Variants in COL4A1 observed in about 807,000 individuals in gnomAD.
The protein encoded by COL4A1 is collagen alpha-1(IV) chain.
A neutral mutation model predicts 216.6 loss-of-function variants in COL4A1; 40 were observed. The ratio of observed to expected loss-of-function variants is 0.18; its 90% CI spans 0.14 to 0.24. COL4A1 has a LOEUF of 0.24. Among genes scored for constraint, COL4A1 ranks in the 10% least tolerant of loss-of-function variants. The probability of loss-of-function intolerance (pLI) is 1.00; values close to 1 mark genes in which losing one functional copy is unlikely to be tolerated. For missense variants in COL4A1, 1,628 were observed against 2,196.8 expected (o/e 0.74, Z 5.18); for synonymous variants, 839 against 810.7 (o/e 1.03, Z -0.59).
chr13:110,153,282 G>A (rs561156443), intron 50 of COL4A1, among the ~76,000 whole-genome samples: 2 of 152,334 alleles, frequency 1.3e-5, no homozygotes, highest in South Asian at 2.1e-4. Context: ...GCTTCAAGGC[G>A]GAGCAGAGGC....
intron 2 of COL4A1, among the ~76,000 whole-genome samples, chr13:110,225,733 A>G (rs1001517586): frequency 1.3e-5 from 2 of 152,228 alleles, no homozygotes; most frequent in Non-Finnish European, 2.9e-5. Context: ...ACTCCGGGTG[A>G]GCACGCGGAG....
At position 110,170,608 on chromosome 13, in the gene COL4A1, T is replaced by C. The variant is rs1180718474; in HGVS notation, c.3681A>G (p.Pro1227=). Residue 1227 remains proline (P), a synonymous_variant, in exon 42 of 52, where the codon CCA becomes CCG. Transcript: ENST00000375820. ...PQGQPGLPGS[P]GHATEGPKGD... ...CTTTGGGCCCCTCCGTGGCATGGCC[T>C]GGGGATCCCGGTAACCCCGGCTGTC... The C allele has an allele frequency of 6.2e-7, 1 of 1,611,950 alleles. No homozygotes were observed. Among genetic ancestry groups the C allele is most frequent in the Admixed American group, 1.7e-5 (1 of 59,758 alleles).
At chr13:110,291,056 C>T (rs970804160) in intron 1 of COL4A1, among the ~76,000 whole-genome samples, 7 of 152,210 alleles carry the variant, frequency 4.6e-5, no homozygotes, top group Admixed American at 2.0e-4. Context: ...CGTGCACAGA[C>T]GTGAGTGTCC....
At chr13:110,215,182 T>C (rs575434097) in intron 2 of COL4A1, among the ~76,000 whole-genome samples, 2 of 152,268 alleles carry the variant, frequency 1.3e-5, no homozygotes, top group Admixed American at 1.3e-4. Context: ...GAGTCCACAG[T>C]GTGCACCTCA....
chr13:110,248,506 C>T lies in COL4A1; in HGVS notation c.85-5772G>A, dbSNP rs955926885. ...GACAAAACCCCATTGACCTTCATCA[C>T]GTCCTGCTGGGGTCTCGCTCTGTGG... On this transcript the variant is annotated intron_variant, in intron 1 of 51. Transcript: ENST00000375820. Among the ~76,000 whole-genome samples, 7 of 152,000 alleles carry T rather than the reference C, an allele frequency of 4.6e-5. 1 individual carries two copies. The highest frequency in any genetic ancestry group is 8.8e-5 in the Non-Finnish European group (6 of 67,888).
At chr13:110,290,076 T>C (rs916445833) in intron 1 of COL4A1, among the ~76,000 whole-genome samples, 4 of 152,198 alleles carry the variant, frequency 2.6e-5, no homozygotes, top group Non-Finnish European at 5.9e-5. Flanking sequence ...CTTCCAAAGG[T>C]GACTCGGTGC....
chr13:110,292,645 G>T (rs1884132184), intron 1 of COL4A1, among the ~76,000 whole-genome samples: 1 of 152,182 alleles, frequency 6.6e-6, no homozygotes, highest in African/African-American at 2.4e-5. Context: ...AGAGAGCGAA[G>T]GAGAAAGCAC....
chr13:110,273,046 T>C (rs544322772), intron 1 of COL4A1, among the ~76,000 whole-genome samples: 1 of 152,330 alleles, frequency 6.6e-6, no homozygotes, highest in South Asian at 2.1e-4. Flanking sequence ...AAAATTTAAA[T>C]AAGCATGGTT....
intron 1 of COL4A1, among the ~76,000 whole-genome samples, chr13:110,278,687 T>C (rs1042666993): frequency 4.6e-5 from 7 of 152,204 alleles, no homozygotes; most frequent in African/African-American, 1.7e-4. Flanking sequence ...ATTGATTTCA[T>C]AACTGATTTC....
At chr13:110,231,580 T>C (rs1242840306) in intron 2 of COL4A1, among the ~76,000 whole-genome samples, 2 of 152,156 alleles carry the variant, frequency 1.3e-5, no homozygotes, top group African/African-American at 4.8e-5. Context: ...GGGGGTTCAG[T>C]TGTGCTATTA....
intron 1 of COL4A1, among the ~76,000 whole-genome samples, chr13:110,275,197 T>C (rs1264225128): frequency 6.6e-6 from 1 of 152,060 alleles, no homozygotes; most frequent in Non-Finnish European, 1.5e-5. Flanking sequence ...TACAAAGACA[T>C]CTTAAACTCA....
chr13:110,248,652 A>C (rs1594087527), intron 1 of COL4A1, among the ~76,000 whole-genome samples: 1 of 152,074 alleles, frequency 6.6e-6, no homozygotes, highest in Non-Finnish European at 1.5e-5. Flanking sequence ...CCACCACGCC[A>C]GGATAATTTT....
At chr13:110,155,858 G>A (rs1464863276) in intron 49 of COL4A1, among the ~76,000 whole-genome samples, 1 of 152,212 alleles carries the variant, frequency 6.6e-6, no homozygotes, top group African/African-American at 2.4e-5. Context: ...GTTGCAGTGA[G>A]CCGAGATTGT....
intron 2 of COL4A1, among the ~76,000 whole-genome samples, chr13:110,238,170 A>C (rs564786193): frequency 6.6e-6 from 1 of 152,202 alleles, no homozygotes; most frequent in Admixed American, 6.5e-5. Context: ...CTGCTTCTCT[A>C]TATCTTTGCT....
At chr13:110,246,341 T>C (rs1594085243) in intron 1 of COL4A1, among the ~76,000 whole-genome samples, 1 of 147,094 alleles carries the variant, frequency 6.8e-6, no homozygotes, top group Admixed American at 6.7e-5. Context: ...GGTTCACTGC[T>C]AAAAAGAAAA....
In COL4A1 at chr13:110,228,238, G is replaced by C. The variant is rs9555676; in HGVS notation, c.145-14223C>G. On this transcript the variant is annotated intron_variant, in intron 2 of 51. Coordinates refer to ENST00000375820, the MANE Select transcript of COL4A1 (RefSeq NM_001845.6). ...CCCTGAGGAGTGGTGGTGCGGGGGC[G>C]GGGGGGGGGTCTACATCAGGAACAA... 1.2e-4 allele frequency among the ~76,000 whole-genome samples: 4 copies of C among 33,094 alleles called. No homozygotes were observed. In the East Asian group the frequency reaches 2.3e-3, roughly 19 times the overall value. The allele number at this position is 33,094 out of a possible 152,430, so 21.7% of individuals were successfully genotyped here. A position where few individuals can be genotyped will look rare whatever the true frequency, so the allele number is the denominator to read the frequency against.
In COL4A1 at chr13:110,150,302, G is replaced by T; in HGVS notation, c.*61C>A. 1 of 1,468,396 alleles carries T rather than the reference G, an allele frequency of 6.8e-7. No individual in the cohort carries two copies. Among genetic ancestry groups the T allele is most frequent in the Non-Finnish European group, 9.4e-7 (1 of 1,061,024 alleles). The allele number at this position is 1,468,396 out of a possible 1,614,324, so 91.0% of individuals were successfully genotyped here. On this transcript the variant is annotated 3_prime_UTR_variant, in exon 52 of 52. Coordinates refer to ENST00000375820, the MANE Select transcript of COL4A1 (RefSeq NM_001845.6). ...ACAGGATATATTTCTAGGGTTCGTT[G>T]CTGTTAACAAAAAGAAGAAGAAGTA...
chr13:110,204,282 G>A (rs1566372170), intron 17 of COL4A1, among the ~76,000 whole-genome samples: 2 of 152,122 alleles, frequency 1.3e-5, no homozygotes, highest in Non-Finnish European at 2.9e-5. Flanking sequence ...AATTAAGGCA[G>A]TAAACAAGAA....
Position 110,287,786 on chromosome 13 carries a change from G to A in COL4A1, c.84+19158C>T, listed in dbSNP as rs546868255. Among the ~76,000 whole-genome samples, 6 of 152,204 alleles carry A rather than the reference G, an allele frequency of 3.9e-5. No individual in the cohort carries two copies. In the South Asian group the frequency reaches 1.2e-3, roughly 32 times the overall value. ...CAACACTGGTGTTTCCAAGAGAAACGTTTCCTTTCAGGGGCTAATGCAGGC... is the reference window on the plus strand; with the variant it reads ...CAACACTGGTGTTTCCAAGAGAAACATTTCCTTTCAGGGGCTAATGCAGGC... On this transcript the variant is annotated intron_variant, in intron 1 of 51. Coordinates refer to ENST00000375820, the MANE Select transcript of COL4A1 (RefSeq NM_001845.6).
Sources: allele counts gnomAD v4.1 joint callset (sites outside exome capture counted in the v4.1 genomes callset), GRCh38; gene constraint gnomAD v4.1.1; transcripts MANE v1.5; gene names NCBI Gene and HGNC (gene_info 2026-07-23, HGNC 2026-07-21).